The following TULP4 variants were observed in gnomAD, a reference collection of about 807,000 sequenced individuals.
TULP4 encodes the protein tubby-related protein 4.
In TULP4, 16 loss-of-function variants were observed where a neutral mutation model predicts 129.0. That is an observed-to-expected ratio of 0.12 (90% CI 0.08 to 0.19). TULP4 has a LOEUF of 0.19. TULP4 is among the 10% of genes least tolerant of loss of function. The pLI, the probability that TULP4 is intolerant of heterozygous loss-of-function variation, is 1.00. For missense variants in TULP4, 1,842 were observed against 2,059.1 expected (o/e 0.89, Z 2.04); for synonymous variants, 998 against 854.0 (o/e 1.17, Z -2.94).
At chr6:158,429,194 A>G (rs898146084) in intron 2 of TULP4, among the ~76,000 whole-genome samples, 5 of 152,318 alleles carry the variant, frequency 3.3e-5, no homozygotes, top group Middle Eastern at 3.4e-3. Context: ...GCTGGAGTGC[A>G]GTGGCGCTAT....
chr6:158,263,474 G>A (rs757170674), intron 1 of TULP4, among the ~76,000 whole-genome samples: 17 of 152,200 alleles, frequency 1.1e-4, no homozygotes, highest in Non-Finnish European at 1.8e-4. Flanking sequence ...GCAATTATTA[G>A]TGCTATTGAT....
At chr6:158,238,938 T>C (rs1419141177) in intron 1 of TULP4, among the ~76,000 whole-genome samples, 2 of 135,580 alleles carry the variant, frequency 1.5e-5, no homozygotes, top group Admixed American at 7.3e-5. Context: ...CAATGAGCTG[T>C]TGGGCACACC....
chr6:158,361,392 A>G (rs1197245010), intron 1 of TULP4, among the ~76,000 whole-genome samples: 3 of 152,178 alleles, frequency 2.0e-5, no homozygotes, highest in East Asian at 1.9e-4. Context: ...CATGGTTTTC[A>G]CTGTTTAAAA....
intron 1 of TULP4, among the ~76,000 whole-genome samples, chr6:158,246,415 C>G (rs1307206596): frequency 1.3e-5 from 2 of 151,790 alleles, no homozygotes; most frequent in African/African-American, 4.8e-5. Context: ...TGGCGTGAAC[C>G]CAGGAGGCGG....
At chr6:158,241,719 C>T (rs535036856) in intron 1 of TULP4, among the ~76,000 whole-genome samples, 43 of 152,278 alleles carry the variant, frequency 2.8e-4, no homozygotes, top group South Asian at 8.3e-4. Context: ...CTCAGCCTCC[C>T]GAGTAGCCGG....
At chr6:158,377,477 G>T (rs1357847568) in intron 1 of TULP4, among the ~76,000 whole-genome samples, 9 of 152,230 alleles carry the variant, frequency 5.9e-5, no homozygotes, top group Non-Finnish European at 1.5e-5. Context: ...AATCCATTTT[G>T]TGTAATGCAA....
At chr6:158,244,872 TAAAAG>T (rs1028572524) in intron 1 of TULP4, among the ~76,000 whole-genome samples, 7 of 152,170 alleles carry the variant, frequency 4.6e-5, no homozygotes, top group African/African-American at 1.4e-4. Context: ...ACTAAAAACA[TAAAAG>T]AAACAAAATA....
In TULP4 at chr6:158,460,133, G is replaced by A. The variant is rs150897066; in HGVS notation, c.860-1430G>A. ...GCAGCTAACTTCATGAGAAAGTCCC[G>A]TGTTCCCTGGGTCTGGAAACCTGTC... is the stretch of plus-strand genomic sequence containing the variant. On this transcript the variant is annotated intron_variant, in intron 5 of 13. Transcript: ENST00000367097. Among the ~76,000 whole-genome samples, 8 of 152,128 alleles carry A rather than the reference G, an allele frequency of 5.3e-5. No individual in the cohort carries two copies. In the East Asian group the frequency reaches 7.7e-4, roughly 15 times the overall value.
At chr6:158,489,474 G>A (rs2128254399) in intron 8 of TULP4, 114 bp from the exon 9 acceptor site, 1 of 1,310,220 alleles carries the variant, frequency 7.6e-7, no homozygotes, top group South Asian at 1.4e-5. Flanking sequence ...TCAACCTCTA[G>A]GTCTAAAATG....
intron 1 of TULP4, among the ~76,000 whole-genome samples, chr6:158,376,990 T>C (rs1000552915): frequency 6.6e-6 from 1 of 152,210 alleles, no homozygotes; most frequent in African/African-American, 2.4e-5. Context: ...TCTGAGACAC[T>C]GTTACTTGGG....
chr6:158,380,107 G>T (rs827983), intron 1 of TULP4, among the ~76,000 whole-genome samples: 104,485 of 151,992 alleles, frequency 0.69, 36,539 homozygotes, highest in Middle Eastern at 0.75. Flanking sequence ...GCCTAGGTCC[G>T]ACAAAGAGTT....
intron 4 of TULP4, among the ~76,000 whole-genome samples, chr6:158,449,587 C>T (rs141332909): frequency 3.3e-5 from 5 of 152,296 alleles, no homozygotes; most frequent in South Asian, 2.1e-4. Context: ...TTAAAGCCCG[C>T]GGCTTTAGGT....
chr6:158,312,345 C>G (rs527293363), upstream of TULP4: 2 of 384,734 alleles, frequency 5.2e-6, no homozygotes, highest in African/African-American at 4.2e-5. Flanking sequence ...ATGGTCTGCA[C>G]GGGTAAAGAA....
In TULP4 at chr6:158,353,580, C is replaced by T. The variant is rs140142203; in HGVS notation, c.252+39312C>T. On this transcript the variant is annotated intron_variant, in intron 1 of 13. Coordinates refer to ENST00000367097, the MANE Select transcript of TULP4 (RefSeq NM_020245.5). ...TTCTCAGTGTGTTCTTTTTTCTGCA[C>T]TACCTGAAAATACCTTTTCTATTTT... is the stretch of plus-strand genomic sequence containing the variant. 5.5e-3 allele frequency among the ~76,000 whole-genome samples: 841 copies of T among 152,242 alleles called. 6 individuals carry two copies. The highest frequency in any genetic ancestry group is 0.019 in the African/African-American group (772 of 41,558).
chr6:158,440,350 C>T (rs1161620166), intron 3 of TULP4, among the ~76,000 whole-genome samples: 1 of 144,668 alleles, frequency 6.9e-6, no homozygotes, highest in African/African-American at 2.6e-5. Flanking sequence ...AATCCACAAA[C>T]CTACTAAAGT....
In TULP4 at chr6:158,265,857, G is replaced by A. The variant is rs144172074; in HGVS notation, n.68+33554G>A. On this transcript the variant is annotated intron_variant and non_coding_transcript_variant, in intron 1 of 1. Transcript: ENST00000620026. Reference sequence around the variant, plus strand: ...GGACAGCACCCCCAATATTAAGCATGTATAAAACTTTTGTATTTCACTCCA... The same window carrying A: ...GGACAGCACCCCCAATATTAAGCATATATAAAACTTTTGTATTTCACTCCA... Among the ~76,000 whole-genome samples, 325 of 152,246 alleles carry A rather than the reference G, an allele frequency of 2.1e-3. 8 individuals are homozygous for A. Among genetic ancestry groups the A allele is most frequent in the Admixed American group, 0.02 (301 of 15,286 alleles).
chr6:158,401,522 T>A (rs138543797), intron 1 of TULP4, among the ~76,000 whole-genome samples: 3 of 151,878 alleles, frequency 2.0e-5, no homozygotes, highest in African/African-American at 7.2e-5. Flanking sequence ...AAGTAAAATG[T>A]GAATGTTAGA....
intron 4 of TULP4, among the ~76,000 whole-genome samples, chr6:158,449,863 C>A (rs914275030): frequency 6.6e-6 from 1 of 152,100 alleles, no homozygotes; most frequent in Non-Finnish European, 1.5e-5. Context: ...AGCATCCCAT[C>A]CCCTGCACCC....
Position 158,430,010 on chromosome 6 carries a change from G to A in TULP4, c.543+113G>A, listed in dbSNP as rs199950990. Reference sequence around the variant, plus strand: ...AAAAGCCTCTTTAAGAATCACAATGGAAAAGAACAATAAAACTGTCCAGGT... The same window carrying A: ...AAAAGCCTCTTTAAGAATCACAATGAAAAAGAACAATAAAACTGTCCAGGT... On this transcript the variant is annotated intron_variant, in intron 3 of 13. Coordinates refer to ENST00000367097, the MANE Select transcript of TULP4 (RefSeq NM_020245.5). 6.8e-6 allele frequency: 7 copies of A among 1,031,830 alleles called. No individual in the cohort carries two copies. In the East Asian group the frequency reaches 1.9e-4, roughly 29 times the overall value. 63.9% of individuals were successfully genotyped at this position (1,031,830 alleles called of 1,614,324 possible).
Sources: allele counts gnomAD v4.1 joint callset (sites outside exome capture counted in the v4.1 genomes callset), GRCh38; gene constraint gnomAD v4.1.1; transcripts MANE v1.5; gene names NCBI Gene and HGNC (gene_info 2026-07-23, HGNC 2026-07-21).